ADGRB3: variants seen among roughly 807,000 people sequenced by gnomAD.
ADGRB3 encodes brain-specific angiogenesis inhibitor 3.
Under a neutral mutation model 193.4 loss-of-function variants are expected in ADGRB3, and 37 were observed. That is an observed-to-expected ratio of 0.19 (90% CI 0.15 to 0.25). The LOEUF (loss-of-function observed/expected upper bound fraction) is 0.25, where lower values mean the gene tolerates loss of function less well. Ranked by LOEUF, ADGRB3 falls within the 10% of genes least tolerant of loss-of-function variation. ADGRB3 has a pLI of 1.00. For synonymous variants in ADGRB3, 690 were observed against 644.2 expected, an observed-to-expected ratio of 1.07 and a Z score of -1.08; for missense variants, 1,637 against 1,852.9, an observed-to-expected ratio of 0.88 and a Z score of 2.14.
chr6:69,041,296 A>G (rs1038818143), intron 13 of ADGRB3, among the ~76,000 whole-genome samples: 7 of 152,218 alleles, frequency 4.6e-5, no homozygotes, highest in Non-Finnish European at 8.8e-5. Flanking sequence ...AAATCCTAAA[A>G]TACGATTTTT....
chr6:68,912,617 T>C (rs1178008597), intron 3 of ADGRB3, among the ~76,000 whole-genome samples: 1 of 152,030 alleles, frequency 6.6e-6, no homozygotes, highest in East Asian at 1.9e-4. Context: ...GAACATGTGG[T>C]GTTTGGTGTT....
chr6:68,664,251 ATGTT>A (rs1256307326), intron 3 of ADGRB3, among the ~76,000 whole-genome samples: 1 of 151,676 alleles, frequency 6.6e-6, no homozygotes, highest in Non-Finnish European at 1.5e-5. Flanking sequence ...TAGTATGAAA[ATGTT>A]TGAGATGTGT....
At chr6:68,811,795 A>T (rs1767517176) in intron 3 of ADGRB3, among the ~76,000 whole-genome samples, 2 of 152,148 alleles carry the variant, frequency 1.3e-5, no homozygotes. Flanking sequence ...TAAAGCAAAT[A>T]CAGAACATCT....
chr6:68,914,221 A>T (rs1766810281), intron 3 of ADGRB3, among the ~76,000 whole-genome samples: 1 of 150,782 alleles, frequency 6.6e-6, no homozygotes, highest in African/African-American at 2.4e-5. Context: ...CGAGAAGAGC[A>T]ACTCCAAGAC....
At chr6:68,822,006 T>A (rs1235538662) in intron 3 of ADGRB3, among the ~76,000 whole-genome samples, 1 of 151,808 alleles carries the variant, frequency 6.6e-6, no homozygotes, top group African/African-American at 2.4e-5. Context: ...GCATCCAGAG[T>A]TTATATAAAT....
chr6:69,153,600 CA>C (rs1774741369), intron 17 of ADGRB3, among the ~76,000 whole-genome samples: 1 of 152,020 alleles, frequency 6.6e-6, no homozygotes, highest in African/African-American at 2.4e-5. Context: ...ATATTATGGC[CA>C]TAAACAAATG....
intron 15 of ADGRB3, among the ~76,000 whole-genome samples, chr6:69,051,457 T>C (rs1239656378): frequency 2.0e-5 from 3 of 152,230 alleles, no homozygotes; most frequent in Non-Finnish European, 2.9e-5. Context: ...TTTGTATCCA[T>C]AAAGTAATTT....
chr6:68,763,479 T>G (rs544019818), intron 3 of ADGRB3, among the ~76,000 whole-genome samples: 89 of 152,336 alleles, frequency 5.8e-4, no homozygotes, highest in South Asian at 5.6e-3. Context: ...GCATTCATAT[T>G]GCTTATTGAT....
chr6:68,890,242 G>T (rs971990423), intron 3 of ADGRB3, among the ~76,000 whole-genome samples: 4 of 152,182 alleles, frequency 2.6e-5, no homozygotes, highest in African/African-American at 7.2e-5. Flanking sequence ...AATCTTGGCA[G>T]AGGTTAACTT....
intron 16 of ADGRB3, among the ~76,000 whole-genome samples, chr6:69,074,088 A>AT (rs1483684159): frequency 6.6e-6 from 1 of 152,114 alleles, no homozygotes; most frequent in African/African-American, 2.4e-5. Context: ...GAAAAAGATC[A>AT]TTTTTTACTA....
intron 17 of ADGRB3, among the ~76,000 whole-genome samples, chr6:69,119,898 G>A (rs1448097329): frequency 6.6e-6 from 1 of 152,172 alleles, no homozygotes; most frequent in African/African-American, 2.4e-5. Context: ...TAACTACTGT[G>A]TTGGCAATGG....
At chr6:69,063,097 T>G in intron 16 of ADGRB3, 61 bp downstream of exon 16, 1 of 1,249,852 alleles carries the variant, frequency 8.0e-7, no homozygotes, top group Non-Finnish European at 1.2e-6. Flanking sequence ...CAGTCATTCT[T>G]TCAACTGATA....
At chr6:68,828,546 A>C (rs1767892410) in intron 3 of ADGRB3, among the ~76,000 whole-genome samples, 1 of 152,146 alleles carries the variant, frequency 6.6e-6, no homozygotes, top group African/African-American at 2.4e-5. Flanking sequence ...CTGATGATTA[A>C]GGTTGGTCAG....
chr6:69,044,389 G>A (rs1411201087), intron 13 of ADGRB3, among the ~76,000 whole-genome samples: 4 of 152,222 alleles, frequency 2.6e-5, no homozygotes, highest in African/African-American at 9.6e-5. Flanking sequence ...CATCCTCCAG[G>A]ACCTCAATAC....
chr6:69,373,880 A>G (rs946897677), intron 30 of ADGRB3, among the ~76,000 whole-genome samples: 2 of 152,126 alleles, frequency 1.3e-5, no homozygotes, highest in Non-Finnish European at 2.9e-5. Context: ...AAGTTATGTA[A>G]TCACAAACAC....
At chr6:69,349,091 T>A (rs1378960915) in intron 26 of ADGRB3, among the ~76,000 whole-genome samples, 1 of 152,198 alleles carries the variant, frequency 6.6e-6, no homozygotes, top group South Asian at 2.1e-4. Flanking sequence ...CAAGGTCCTC[T>A]TCTGTGACAC....
At chr6:69,200,798 C>G (rs1336503002) in intron 17 of ADGRB3, among the ~76,000 whole-genome samples, 1 of 151,998 alleles carries the variant, frequency 6.6e-6, no homozygotes, top group Non-Finnish European at 1.5e-5. Context: ...GAAGCCAACT[C>G]CTACATCCCC....
At chr6:68,711,318 A>G (rs576856299) in intron 3 of ADGRB3, among the ~76,000 whole-genome samples, 1 of 152,176 alleles carries the variant, frequency 6.6e-6, no homozygotes, top group African/African-American at 2.4e-5. Flanking sequence ...TCCAATCTCT[A>G]TTTTTACAAA....
intron 17 of ADGRB3, among the ~76,000 whole-genome samples, chr6:69,183,223 A>G (rs1193161140): frequency 2.0e-5 from 3 of 152,092 alleles, no homozygotes; most frequent in Admixed American, 1.3e-4. Context: ...GAATTGTCAT[A>G]TTATAAAAGC....
Sources: allele counts gnomAD v4.1 joint callset (sites outside exome capture counted in the v4.1 genomes callset), GRCh38; gene constraint gnomAD v4.1.1; transcripts MANE v1.5; gene names NCBI Gene and HGNC (gene_info 2026-07-23, HGNC 2026-07-21).